GSG1L: variants seen among roughly 807,000 people sequenced by gnomAD.
GSG1L encodes the protein GSG1 like.
A neutral mutation model predicts 42.1 loss-of-function variants in GSG1L; 24 were observed. The ratio of observed to expected loss-of-function variants is 0.57; its 90% CI spans 0.41 to 0.80. The LOEUF is 0.80. Among genes scored for constraint, GSG1L ranks in the 30% least tolerant of loss-of-function variants. GSG1L has a pLI of 0.00. For synonymous variants in GSG1L, 215 were observed against 203.5 expected, an observed-to-expected ratio of 1.06 and a Z score of -0.48; for missense variants, 445 against 472.2, an observed-to-expected ratio of 0.94 and a Z score of 0.53.
chr16:27,866,616 G>A (rs2083728868), intron 3 of GSG1L, among the ~76,000 whole-genome samples: 2 of 152,072 alleles, frequency 1.3e-5, no homozygotes, highest in Admixed American at 1.3e-4. Context: ...CAGTCACCTA[G>A]GCTGGAATGC....
intron 1 of GSG1L, among the ~76,000 whole-genome samples, chr16:28,012,421 ATCCGTGGT>A: frequency 6.6e-6 from 1 of 152,198 alleles, no homozygotes; most frequent in Admixed American, 6.5e-5. Context: ...CCATTTTCTC[ATCCGTGGT>A]GAACCGGTGA....
intron 2 of GSG1L, among the ~76,000 whole-genome samples, chr16:27,926,140 G>A (rs1379717476): frequency 1.3e-5 from 2 of 152,180 alleles, no homozygotes; most frequent in African/African-American, 4.8e-5. Flanking sequence ...GGACAGACAC[G>A]GGACAGCTGA....
chr16:27,873,989 T>A (rs568748044), intron 3 of GSG1L, among the ~76,000 whole-genome samples: 1 of 152,212 alleles, frequency 6.6e-6, no homozygotes, highest in Non-Finnish European at 1.5e-5. Context: ...TCCCTTAATG[T>A]GTCAATGGCT....
At chr16:27,973,747 T>A (rs952095233) in intron 1 of GSG1L, among the ~76,000 whole-genome samples, 2 of 152,118 alleles carry the variant, frequency 1.3e-5, no homozygotes, top group African/African-American at 4.8e-5. Context: ...TATAAAAACA[T>A]GAAGATCACC....
intron 5 of GSG1L, among the ~76,000 whole-genome samples, chr16:27,826,543 G>A (rs2083211350): frequency 6.6e-6 from 1 of 152,150 alleles, no homozygotes; most frequent in Non-Finnish European, 1.5e-5. Context: ...GCGGTCCCAG[G>A]AACTATGGGT....
At chr16:27,908,160 C>T (rs1252244879) in intron 2 of GSG1L, among the ~76,000 whole-genome samples, 1 of 152,250 alleles carries the variant, frequency 6.6e-6, no homozygotes, top group Non-Finnish European at 1.5e-5. Context: ...CTTGCTTGCA[C>T]CTGTTGTCAC....
At chr16:27,856,147 A>G (rs1428377001) in intron 3 of GSG1L, among the ~76,000 whole-genome samples, 1 of 149,958 alleles carries the variant, frequency 6.7e-6, no homozygotes, top group African/African-American at 2.5e-5. Flanking sequence ...ACCAGATGCC[A>G]GGAATGTGCA....
intron 5 of GSG1L, among the ~76,000 whole-genome samples, chr16:27,824,137 G>A (rs562347235): frequency 2.0e-5 from 3 of 152,284 alleles, no homozygotes; most frequent in Admixed American, 6.5e-5. Context: ...GGAGCAGAAG[G>A]GACAGGAACT....
At chr16:28,008,480 C>G (rs947903089) in intron 1 of GSG1L, among the ~76,000 whole-genome samples, 3 of 152,336 alleles carry the variant, frequency 2.0e-5, no homozygotes, top group East Asian at 1.9e-4. Flanking sequence ...TGACACCTGG[C>G]CAAGGCTGCC....
intron 2 of GSG1L, among the ~76,000 whole-genome samples, chr16:27,941,833 T>C (rs1462109327): frequency 6.6e-6 from 1 of 152,164 alleles, no homozygotes; most frequent in Non-Finnish European, 1.5e-5. Context: ...AGACATTATG[T>C]TTCATGAAAT....
At chr16:27,882,518 A>G (rs1232955653) in intron 3 of GSG1L, among the ~76,000 whole-genome samples, 2 of 151,348 alleles carry the variant, frequency 1.3e-5, no homozygotes, top group Non-Finnish European at 2.9e-5. Context: ...TCCTCTCCCT[A>G]CTCCCAGTCT....
intron 1 of GSG1L, among the ~76,000 whole-genome samples, chr16:28,009,021 C>A (rs1284024867): frequency 2.0e-5 from 3 of 152,156 alleles, no homozygotes; most frequent in East Asian, 3.8e-4. Flanking sequence ...GTTGGCCAGT[C>A]TGGTCTTGAA....
At chr16:27,888,121 G>GC (rs2141027897) in intron 2 of GSG1L, 1 of 985,558 alleles carries the variant, frequency 1.0e-6, no homozygotes, top group South Asian at 4.7e-5. Context: ...GGCAGGGACT[G>GC]CCCCTCATCA....
chr16:27,910,140 TTTAGTAGA>T (rs200085557), intron 2 of GSG1L, among the ~76,000 whole-genome samples: 3,520 of 150,592 alleles, frequency 0.023, 146 homozygotes, highest in African/African-American at 0.082. Flanking sequence ...TTTTTTTTTT[TTTAGTAGA>T]CACGGGTTTT....
chr16:27,956,816 G>A (rs573909716), intron 2 of GSG1L, among the ~76,000 whole-genome samples: 2 of 151,980 alleles, frequency 1.3e-5, no homozygotes, highest in South Asian at 4.2e-4. Context: ...AAAAAAAACT[G>A]TGTGAATGCC....
At chr16:27,890,578 A>G (rs2084114217) in intron 2 of GSG1L, among the ~76,000 whole-genome samples, 1 of 152,222 alleles carries the variant, frequency 6.6e-6, no homozygotes, top group Non-Finnish European at 1.5e-5. Context: ...CTGTGCACCT[A>G]TGAACCTGGT....
intron 2 of GSG1L, among the ~76,000 whole-genome samples, chr16:27,941,680 C>T (rs1596631717): frequency 6.6e-6 from 1 of 151,170 alleles, no homozygotes; most frequent in African/African-American, 2.4e-5. Flanking sequence ...ATCTTCACAA[C>T]ACACAACAGC....
At chr16:27,992,096 G>A (rs971735421) in intron 1 of GSG1L, among the ~76,000 whole-genome samples, 11 of 152,174 alleles carry the variant, frequency 7.2e-5, no homozygotes, top group African/African-American at 2.7e-4. Context: ...TGGCATAGAT[G>A]ACCCTCGTCA....
chr16:27,971,335 G>A (rs996984252), intron 1 of GSG1L, among the ~76,000 whole-genome samples: 5 of 152,000 alleles, frequency 3.3e-5, no homozygotes, highest in African/African-American at 4.8e-5. Flanking sequence ...ACAATGTTTT[G>A]TAGTTTTCAG....
Sources: allele counts gnomAD v4.1 joint callset (sites outside exome capture counted in the v4.1 genomes callset), GRCh38; gene constraint gnomAD v4.1.1; transcripts MANE v1.5; gene names NCBI Gene and HGNC (gene_info 2026-07-23, HGNC 2026-07-21).